EPHB2: variants seen among roughly 807,000 people sequenced by gnomAD.
The protein encoded by EPHB2 is EPH receptor B2.
A neutral mutation model predicts 96.4 loss-of-function variants in EPHB2; 18 were observed. That is an observed-to-expected ratio of 0.19 (90% CI 0.13 to 0.28). The LOEUF (loss-of-function observed/expected upper bound fraction) is 0.28, where lower values mean the gene tolerates loss of function less well. Ranked by LOEUF, EPHB2 falls within the 10% of genes least tolerant of loss-of-function variation. The pLI, the probability that EPHB2 is intolerant of heterozygous loss-of-function variation, is 1.00. For synonymous variants in EPHB2, 506 were observed against 534.1 expected, an observed-to-expected ratio of 0.95 and a Z score of 0.72; for missense variants, 989 against 1,355.4, an observed-to-expected ratio of 0.73 and a Z score of 4.25.
At position 22,804,760 on chromosome 1, in the gene EPHB2, C is replaced by T. The variant is rs78542858; in HGVS notation, c.811+19684C>T. Among the ~76,000 whole-genome samples the T allele has an allele frequency of 3.0e-4, 46 of 151,766 alleles. No individual in the cohort carries two copies. In the East Asian group the frequency reaches 9.0e-3, roughly 30 times the overall value. Reference sequence around the variant, plus strand: ...CCTCTTCTCTCCTTCCTCCCCTTGTCTCTTTGCCCCCGCCTCTGTCCCCTG... The same window carrying T: ...CCTCTTCTCTCCTTCCTCCCCTTGTTTCTTTGCCCCCGCCTCTGTCCCCTG... On this transcript the variant is annotated intron_variant, in intron 3 of 15. Coordinates refer to ENST00000374630, the MANE Select transcript of EPHB2 (RefSeq NM_017449.5).
chr1:22,753,945 G>C (rs1232293760), intron 1 of EPHB2, among the ~76,000 whole-genome samples: 1 of 152,058 alleles, frequency 6.6e-6, no homozygotes, highest in Non-Finnish European at 1.5e-5. Flanking sequence ...ATGAGTCTTC[G>C]TTCACCAAAA....
At chr1:22,842,407 G>C (rs1645483228) in intron 3 of EPHB2, among the ~76,000 whole-genome samples, 1 of 152,128 alleles carries the variant, frequency 6.6e-6, no homozygotes, top group African/African-American at 2.4e-5. Context: ...ATGGGTCCCT[G>C]TTAGATCTGA....
chr1:22,888,761 C>T (rs542686182), intron 6 of EPHB2, among the ~76,000 whole-genome samples: 1 of 151,056 alleles, frequency 6.6e-6, no homozygotes, highest in Non-Finnish European at 1.5e-5. Flanking sequence ...GAGAGCTTGG[C>T]ATTTATTGTT....
chr1:22,884,137 C>T (rs899933588), intron 6 of EPHB2, among the ~76,000 whole-genome samples: 12 of 152,142 alleles, frequency 7.9e-5, no homozygotes, highest in African/African-American at 2.7e-4. Context: ...CTGTGTCTCC[C>T]GCAGGGGACC....
intron 3 of EPHB2, among the ~76,000 whole-genome samples, chr1:22,817,142 AC>A (rs1022659332): frequency 8.5e-5 from 13 of 152,162 alleles, no homozygotes; most frequent in African/African-American, 3.1e-4. Context: ...AATAAATATA[AC>A]CAGGCCTGCT....
chr1:22,878,636 G>T (rs1187934895), intron 5 of EPHB2, among the ~76,000 whole-genome samples: 1 of 152,228 alleles, frequency 6.6e-6, no homozygotes, highest in Non-Finnish European at 1.5e-5. Context: ...GCCAGGTGAG[G>T]GTTCCTACTT....
intron 3 of EPHB2, among the ~76,000 whole-genome samples, chr1:22,795,722 G>A (rs537528032): frequency 3.9e-5 from 6 of 152,290 alleles, no homozygotes; most frequent in South Asian, 2.1e-4. Flanking sequence ...CTGAGGACAC[G>A]AGGAGGCATG....
intron 3 of EPHB2, among the ~76,000 whole-genome samples, chr1:22,830,374 A>G (rs938607752): frequency 6.6e-6 from 1 of 152,184 alleles, no homozygotes; most frequent in African/African-American, 2.4e-5. Context: ...CACCAGGGAA[A>G]GGGCCAGACA....
intron 1 of EPHB2, among the ~76,000 whole-genome samples, chr1:22,777,071 G>A (rs773962155): frequency 3.3e-5 from 5 of 152,188 alleles, no homozygotes; most frequent in Non-Finnish European, 5.9e-5. Flanking sequence ...GGATTTAAGA[G>A]GACTTGCTAG....
intron 1 of EPHB2, among the ~76,000 whole-genome samples, chr1:22,750,401 A>T (rs1644043642): frequency 6.6e-6 from 1 of 152,200 alleles, no homozygotes; most frequent in Non-Finnish European, 1.5e-5. Flanking sequence ...GTCCTGGGTC[A>T]CCAGAGCCAG....
At chr1:22,767,401 C>G (rs965503604) in intron 1 of EPHB2, among the ~76,000 whole-genome samples, 4 of 152,226 alleles carry the variant, frequency 2.6e-5, no homozygotes, top group Non-Finnish European at 4.4e-5. Flanking sequence ...GCCCAGAAAT[C>G]AAAGCCTGCC....
intron 1 of EPHB2, among the ~76,000 whole-genome samples, chr1:22,760,078 C>G (rs1644213763): frequency 6.6e-6 from 1 of 152,194 alleles, no homozygotes. Flanking sequence ...ATGGATAACA[C>G]AAGTCACCCA....
intron 5 of EPHB2, among the ~76,000 whole-genome samples, chr1:22,867,994 G>C (rs112382169): frequency 2.6e-4 from 39 of 152,338 alleles, no homozygotes; most frequent in East Asian, 9.6e-4. Context: ...GCCCCCAAAG[G>C]GGGTGGTGGA....
intron 1 of EPHB2, among the ~76,000 whole-genome samples, chr1:22,763,464 T>C (rs1445586597): frequency 6.6e-6 from 1 of 152,094 alleles, no homozygotes; most frequent in East Asian, 1.9e-4. Context: ...AAGCCTCTCC[T>C]GGACAGGCAC....
At chr1:22,749,148 G>C (rs1268249340) in intron 1 of EPHB2, among the ~76,000 whole-genome samples, 1 of 151,684 alleles carries the variant, frequency 6.6e-6, no homozygotes, top group African/African-American at 2.4e-5. Flanking sequence ...AGCCTCCCTA[G>C]TAGCTGGGAC....
At chr1:22,886,885 C>A (rs566199134) in intron 6 of EPHB2, among the ~76,000 whole-genome samples, 1 of 152,136 alleles carries the variant, frequency 6.6e-6, no homozygotes, top group Admixed American at 6.5e-5. Context: ...CTCAGCCACC[C>A]AAAGTGCTGG....
intron 3 of EPHB2, among the ~76,000 whole-genome samples, chr1:22,792,607 A>G (rs1644710667): frequency 6.6e-6 from 1 of 152,086 alleles, no homozygotes; most frequent in Non-Finnish European, 1.5e-5. Flanking sequence ...CCATCTGTCC[A>G]TGATACATCC....
At chr1:22,751,819 G>A (rs1644068053) in intron 1 of EPHB2, among the ~76,000 whole-genome samples, 2 of 152,328 alleles carry the variant, frequency 1.3e-5, no homozygotes, top group Admixed American at 1.3e-4. Context: ...CTGCAGGGCT[G>A]CCTCCTTTGT....
At chr1:22,715,823 G>A (rs537214507) in intron 1 of EPHB2, among the ~76,000 whole-genome samples, 1 of 152,308 alleles carries the variant, frequency 6.6e-6, no homozygotes, top group Non-Finnish European at 1.5e-5. Context: ...GGCGCAAACA[G>A]ACGTGAGTTC....
Sources: gnomAD v4.1 joint callset for allele counts (sites outside exome capture counted in the v4.1 genomes callset) on GRCh38, gnomAD v4.1.1 for gene constraint, MANE v1.5 for transcripts, NCBI Gene and HGNC (gene_info 2026-07-23, HGNC 2026-07-21) for gene names.